FUCA1: variants seen among roughly 807,000 people sequenced by gnomAD.
The protein encoded by FUCA1 is tissue alpha-L-fucosidase.
FUCA1 carries 52 observed loss-of-function variants against 56.8 expected under a neutral mutation model. The ratio of observed to expected loss-of-function variants is 0.92; its 90% CI spans 0.73 to 1.15. The LOEUF is 1.15. Among genes scored for constraint, FUCA1 ranks in the 50% most tolerant of loss-of-function variants. The pLI, the probability that FUCA1 is intolerant of heterozygous loss-of-function variation, is 0.00. For missense variants in FUCA1, 568 were observed against 592.6 expected (o/e 0.96, Z 0.43); for synonymous variants, 230 against 226.6 (o/e 1.02, Z -0.14).
At chr1:23,855,556 G>A (rs1557510715) in intron 4 of FUCA1, among the ~76,000 whole-genome samples, 1 of 152,182 alleles carries the variant, frequency 6.6e-6, no homozygotes, top group African/African-American at 2.4e-5. Flanking sequence ...GGCAAAAAGA[G>A]ATTTATTAAA....
In FUCA1 at chr1:23,867,845, C is replaced by T. The variant is rs1639655994; in HGVS notation, c.389+53G>A. On this transcript the variant is annotated intron_variant, in intron 1 of 7. Transcript: ENST00000374479. This position sits in a 1 kb window ranked among gnomAD's most constrained non-coding sequence, Gnocchi z 4.9. Reference sequence around the variant, plus strand: ...CCCAGCTGGCCGCCCAGCCCCACCTCCTGTTTGCCGCCCGAGCCGGGAAGG... The same window carrying T: ...CCCAGCTGGCCGCCCAGCCCCACCTTCTGTTTGCCGCCCGAGCCGGGAAGG... The T allele has an allele frequency of 1.3e-6, 2 of 1,516,162 alleles. No homozygotes were observed. Among genetic ancestry groups the T allele is most frequent in the South Asian group, 1.2e-5 (1 of 80,932 alleles). The allele number at this position is 1,516,162 out of a possible 1,614,324, so 93.9% of individuals were successfully genotyped here. A position where few individuals can be genotyped will look rare whatever the true frequency, so the allele number is the denominator to read the frequency against.
At chr1:23,852,096 AT>A (rs1639272536) in intron 5 of FUCA1, among the ~76,000 whole-genome samples, 2 of 149,816 alleles carry the variant, frequency 1.3e-5, no homozygotes, top group Admixed American at 1.3e-4. Flanking sequence ...AATAATAATA[AT>A]AATAAAAAGT....
intron 2 of FUCA1, among the ~76,000 whole-genome samples, chr1:23,865,237 T>G (rs1639598491): frequency 6.6e-6 from 1 of 152,226 alleles, no homozygotes; most frequent in Admixed American, 6.6e-5. Context: ...GACATGGCCA[T>G]GAACTTCTGT....
At chr1:23,851,564 A>C (rs1440150643) in intron 5 of FUCA1, among the ~76,000 whole-genome samples, 1 of 152,186 alleles carries the variant, frequency 6.6e-6, no homozygotes, top group African/African-American at 2.4e-5. Flanking sequence ...GAGTACTTCC[A>C]TCACTCTTAC....
In FUCA1 at chr1:23,868,220, C is replaced by T. The variant is rs551560114; in HGVS notation, c.67G>A (p.Gly23Arg). The change falls in exon 1 of 8, where the codon GGA (glycine) becomes AGA (arginine). Residue 23 changes from glycine (G) to arginine (R), a missense_variant. Physicochemically the swap from Gly to Arg is moderately radical, Grantham distance 125. Transcript: ENST00000374479. ...GCCCGACGCACCGACTCGGCCGCTCCGAGGAAGAGCAGCAGCAGCAACAGC... is the reference window on the plus strand; with the variant it reads ...GCCCGACGCACCGACTCGGCCGCTCTGAGGAAGAGCAGCAGCAGCAACAGC... ...PALLLLLLFL[G>R]AAESVRRAQP... 1 of 1,585,458 alleles carries T rather than the reference C, an allele frequency of 6.3e-7. No homozygotes were observed. The highest frequency in any genetic ancestry group is 8.6e-7 in the Non-Finnish European group (1 of 1,166,610).
rs778251523 is a variant in FUCA1 at position 23,854,538 on chromosome 1, C to T, written c.791G>A (p.Arg264Gln). 27 of 1,613,458 alleles carry T rather than the reference C, an allele frequency of 1.7e-5. No homozygotes were observed. Among genetic ancestry groups the T allele is most frequent in the South Asian group, 3.3e-5 (3 of 91,062 alleles). The change falls in exon 5 of 8, where the codon CGA becomes CAA. Residue 264 changes from arginine to glutamine, a missense_variant. Physicochemically the swap from Arg to Gln is conservative, Grantham distance 43. Coordinates refer to ENST00000374479, the MANE Select transcript of FUCA1 (RefSeq NM_000147.5). ...PVKDEVVVND[R>Q]WGQNCSCHHG... ...GTGACAGGAACAGTTCTGACCCCATCGGTCATTTACTACCACCTCATCCTA... is the reference window on the plus strand; with the variant it reads ...GTGACAGGAACAGTTCTGACCCCATTGGTCATTTACTACCACCTCATCCTA...
At chr1:23,852,543 C>T (rs995731925) in intron 5 of FUCA1, among the ~76,000 whole-genome samples, 3 of 152,160 alleles carry the variant, frequency 2.0e-5, no homozygotes, top group Non-Finnish European at 2.9e-5. Context: ...CTGGACTGTA[C>T]TGCTGCCACC....
At chr1:23,856,730 G>A (rs1218605263) in intron 4 of FUCA1, among the ~76,000 whole-genome samples, 1 of 152,172 alleles carries the variant, frequency 6.6e-6, no homozygotes, top group Non-Finnish European at 1.5e-5. Context: ...GGTGGCTCAC[G>A]CCTGTAATCC....
intron 1 of FUCA1, among the ~76,000 whole-genome samples, chr1:23,866,167 C>T (rs1219258606): frequency 6.6e-6 from 1 of 152,130 alleles, no homozygotes; most frequent in Non-Finnish European, 1.5e-5. Context: ...CAAAAATTAG[C>T]CGGGCATGGT....
chr1:23,863,260 T>TA lies in FUCA1; in HGVS notation c.535dup (p.Tyr179LeufsTer18). 6.2e-7 allele frequency: 1 copy of TA among 1,613,216 alleles called. No individual in the cohort carries two copies. On this transcript the variant is annotated frameshift_variant, in exon 3 of 8. Coordinates refer to ENST00000374479, the MANE Select transcript of FUCA1 (RefSeq NM_000147.5). LOFTEE classifies it high-confidence loss of function. ...CTCTAAGAGTGAGTGGTATAGTCCA[T>TA]AGCGGATGTTCCTTAAACAGAAAAA...
chr1:23,865,753 C>A, intron 1 of FUCA1, 128 bp from the exon 2 acceptor site: 2 of 1,039,050 alleles, frequency 1.9e-6, no homozygotes, highest in Non-Finnish European at 3.0e-6. Flanking sequence ...GTACCAGTGA[C>A]TATATTAGTG....
Position 23,846,141 on chromosome 1 carries a change from A to C in FUCA1, c.1193T>G (p.Ile398Ser). 1 of 1,614,156 alleles carries C rather than the reference A, an allele frequency of 6.2e-7. No individual in the cohort carries two copies. The highest frequency in any genetic ancestry group is 1.1e-5 in the South Asian group (1 of 91,086). ...YTSKGSAVYA[I>S]FLHWPENGVL... ...TCCATTTTCTGGCCAGTGCAGAAAA[A>C]TGGCATAAACAGCCGATCCCTTTGA... Residue 398 changes from isoleucine (I) to serine (S), a missense_variant, in exon 7 of 8, where the codon ATT (isoleucine) becomes AGT (serine). Ile to Ser is a moderately radical substitution (Grantham distance 142). Coordinates refer to ENST00000374479, the MANE Select transcript of FUCA1 (RefSeq NM_000147.5).
intron 4 of FUCA1, among the ~76,000 whole-genome samples, chr1:23,859,529 G>A (rs1639462869): frequency 6.7e-6 from 1 of 150,014 alleles, no homozygotes; most frequent in Admixed American, 6.7e-5. Flanking sequence ...TCGCACCACT[G>A]TACTCCAGCC....
Position 23,854,453 on chromosome 1 carries a change from C to G in FUCA1, c.876G>C (p.Lys292Asn). 6.2e-7 allele frequency: 1 copy of G among 1,614,166 alleles called. No individual in the cohort carries two copies. The highest frequency in any genetic ancestry group is 8.5e-7 in the Non-Finnish European group (1 of 1,180,012). ...TGTCAATGCTGGTGCACATCTCCCA[C>G]TTGTGATCTGGCAAGCTCTGTGGCT... is the stretch of plus-strand genomic sequence containing the variant. ...KFKPQSLPDH[K>N]WEMCTSIDKF... The change falls in exon 5 of 8, where the codon AAG (lysine) becomes AAC (asparagine). Residue 292 changes from lysine to asparagine, a missense_variant. Coordinates refer to ENST00000374479, the MANE Select transcript of FUCA1 (RefSeq NM_000147.5).
At chr1:23,864,073 T>C (rs1639568073) in intron 2 of FUCA1, among the ~76,000 whole-genome samples, 1 of 151,240 alleles carries the variant, frequency 6.6e-6, no homozygotes, top group Admixed American at 6.6e-5. Context: ...CTAATAGTTC[T>C]TTCTCTTTTT....
At chr1:23,851,093 T>G (rs530199941) in intron 5 of FUCA1, among the ~76,000 whole-genome samples, 1 of 152,250 alleles carries the variant, frequency 6.6e-6, no homozygotes, top group African/African-American at 2.4e-5. Context: ...TGTAACTGTT[T>G]TTTCATTCAG....
intron 3 of FUCA1, among the ~76,000 whole-genome samples, chr1:23,860,299 G>A (rs1639479415): frequency 6.6e-6 from 1 of 152,056 alleles, no homozygotes; most frequent in Non-Finnish European, 1.5e-5. Context: ...AACAAACACA[G>A]CAGGCTGGGC....
intron 4 of FUCA1, among the ~76,000 whole-genome samples, chr1:23,856,089 T>C (rs966975659): frequency 6.6e-6 from 1 of 152,204 alleles, no homozygotes; most frequent in Non-Finnish European, 1.5e-5. Flanking sequence ...CAAGGGGTCT[T>C]AGGCAGGTAA....
chr1:23,867,871 G>A lies in FUCA1; in HGVS notation c.389+27C>T. 6.5e-7 allele frequency: 1 copy of A among 1,533,624 alleles called. No homozygotes were observed. The highest frequency in any genetic ancestry group is 2.5e-5 in the East Asian group (1 of 40,090). Reference sequence around the variant, plus strand: ...CTGTTTGCCGCCCGAGCCGGGAAGGGGCGCCGCTCCCCGGGACCACACTCA... The same window carrying A: ...CTGTTTGCCGCCCGAGCCGGGAAGGAGCGCCGCTCCCCGGGACCACACTCA... On this transcript the variant is annotated intron_variant, in intron 1 of 7. Coordinates refer to ENST00000374479, the MANE Select transcript of FUCA1 (RefSeq NM_000147.5). This position sits in a 1 kb window ranked among gnomAD's most constrained non-coding sequence, Gnocchi z 4.9.
Sources: gnomAD v4.1 joint callset for allele counts (sites outside exome capture counted in the v4.1 genomes callset) on GRCh38, gnomAD v4.1.1 for gene constraint, Gnocchi (gnomAD v3.1) non-coding constraint, MANE v1.5 for transcripts, NCBI Gene and HGNC (gene_info 2026-07-23, HGNC 2026-07-21) for gene names.